MAF: variants seen among roughly 807,000 people sequenced by gnomAD.
MAF encodes the protein MAF bZIP transcription factor.
A neutral mutation model predicts 22.0 loss-of-function variants in MAF; 10 were observed. That is an observed-to-expected ratio of 0.45 (90% CI 0.28 to 0.77). MAF has a LOEUF of 0.77. Ranked by LOEUF, MAF falls within the 30% of genes least tolerant of loss-of-function variation. The pLI is 0.12. For missense variants in MAF, 544 were observed against 548.4 expected (o/e 0.99, Z 0.08); for synonymous variants, 337 against 255.8 (o/e 1.32, Z -3.03).
At chr16:79,556,565 T>C in the MAF span, among the ~76,000 whole-genome samples, 1 of 152,228 alleles carries the variant, frequency 6.6e-6, no homozygotes, top group African/African-American at 2.4e-5. Context: ...TTGTTGGTGG[T>C]ATTTTCTGAT....
chr16:79,317,950 TCA>T, the MAF span, among the ~76,000 whole-genome samples: 1 of 138,632 alleles, frequency 7.2e-6, no homozygotes, highest in Non-Finnish European at 1.6e-5. Context: ...ACTCACTCAC[TCA>T]CTCACTCTTA....
At chr16:79,336,204 T>C in the MAF span, among the ~76,000 whole-genome samples, 1 of 152,246 alleles carries the variant, frequency 6.6e-6, no homozygotes, top group Non-Finnish European at 1.5e-5. Context: ...TAGTAATGAA[T>C]AACACTTGCT....
At chr16:79,291,908 G>C in the MAF span, among the ~76,000 whole-genome samples, 1 of 150,936 alleles carries the variant, frequency 6.6e-6, no homozygotes, top group African/African-American at 2.4e-5. Flanking sequence ...TGTGATGTGT[G>C]GGTCACTGCA....
the MAF span, among the ~76,000 whole-genome samples, chr16:79,376,239 T>C: frequency 6.6e-6 from 1 of 152,278 alleles, no homozygotes; most frequent in Admixed American, 6.5e-5. Context: ...TTTTATTTAA[T>C]TTTATTCTAA....
At chr16:79,472,662 T>A in the MAF span, among the ~76,000 whole-genome samples, 1 of 152,116 alleles carries the variant, frequency 6.6e-6, no homozygotes. Context: ...GGAGTTTCCT[T>A]CTAGGGTGTA....
chr16:79,516,825 G>C, the MAF span, among the ~76,000 whole-genome samples: 1 of 121,078 alleles, frequency 8.3e-6, no homozygotes, highest in African/African-American at 3.0e-5. Flanking sequence ...GAAAGACAGA[G>C]CTAACGTCTC....
At chr16:79,235,841 G>C in the MAF span, among the ~76,000 whole-genome samples, 2 of 152,146 alleles carry the variant, frequency 1.3e-5, no homozygotes. Context: ...GGTTGTTATT[G>C]TCTTAACTAT....
At chr16:79,228,901 T>TCCCTCCAGCAACATCAGCCTGCA in the MAF span, among the ~76,000 whole-genome samples, 2 of 151,736 alleles carry the variant, frequency 1.3e-5, no homozygotes, top group Non-Finnish European at 2.9e-5. Context: ...CCCCAGTTCC[T>TCCCTCCAGCAACATCAGCCTGCA]CCCTCCAGCA....
chr16:79,498,517 G>T, the MAF span, among the ~76,000 whole-genome samples: 4 of 152,196 alleles, frequency 2.6e-5, no homozygotes, highest in Non-Finnish European at 5.9e-5. Flanking sequence ...GCTTCACTTT[G>T]CCTGCTCCTG....
the MAF span, among the ~76,000 whole-genome samples, chr16:79,481,770 C>G: frequency 6.6e-6 from 1 of 152,186 alleles, no homozygotes; most frequent in African/African-American, 2.4e-5. Flanking sequence ...ATGTTTTGAG[C>G]TCCTTCTGCA....
the MAF span, among the ~76,000 whole-genome samples, chr16:79,480,391 C>T: frequency 1.3e-5 from 2 of 151,872 alleles, no homozygotes; most frequent in African/African-American, 4.8e-5. Context: ...TAAAAAAAGC[C>T]AATTCCAAGC....
the MAF span, among the ~76,000 whole-genome samples, chr16:79,287,400 G>A: frequency 1.4e-4 from 22 of 152,182 alleles, no homozygotes; most frequent in African/African-American, 4.6e-4. Flanking sequence ...GGGGGCTGGC[G>A]GGGGAGGCAC....
the MAF span, among the ~76,000 whole-genome samples, chr16:79,343,192 A>C: frequency 1.3e-5 from 2 of 152,104 alleles, no homozygotes; most frequent in African/African-American, 4.8e-5. Context: ...GGTGCCACAA[A>C]TCTAAGACTA....
the MAF span, among the ~76,000 whole-genome samples, chr16:79,392,868 G>A: frequency 6.6e-6 from 1 of 152,180 alleles, no homozygotes; most frequent in Non-Finnish European, 1.5e-5. Flanking sequence ...GGAATCCACT[G>A]CTGTACGGCC....
At chr16:79,598,386 C>G (rs1194094427) in intron 1 of MAF, 4 of 1,172,448 alleles carry the variant, frequency 3.4e-6, no homozygotes, top group Non-Finnish European at 4.2e-6. Flanking sequence ...AGGTGATCAA[C>G]GTTTCACATG....
chr16:79,424,452 G>T, the MAF span, among the ~76,000 whole-genome samples: 1 of 152,104 alleles, frequency 6.6e-6, no homozygotes, highest in African/African-American at 2.4e-5. Context: ...GGGCACTTTT[G>T]CCTGTGTGAT....
the MAF span, among the ~76,000 whole-genome samples, chr16:79,459,698 G>A: frequency 2.0e-5 from 3 of 151,694 alleles, no homozygotes; most frequent in South Asian, 2.1e-4. Flanking sequence ...TCAGCCTCCC[G>A]ACTAGCTGGG....
the MAF span, among the ~76,000 whole-genome samples, chr16:79,511,295 C>T: frequency 3.9e-5 from 6 of 152,146 alleles, no homozygotes; most frequent in South Asian, 1.2e-3. Context: ...ACACGTCATT[C>T]TCATAGCCAA....
chr16:79,525,016 T>C, the MAF span, among the ~76,000 whole-genome samples: 11 of 152,154 alleles, frequency 7.2e-5, no homozygotes, highest in East Asian at 5.8e-4. Flanking sequence ...ATTTAAAAAA[T>C]TGGACCCATT....
Sources: allele counts gnomAD v4.1 joint callset (sites outside exome capture counted in the v4.1 genomes callset), GRCh38; gene constraint gnomAD v4.1.1; transcripts MANE v1.5; gene names NCBI Gene and HGNC (gene_info 2026-07-23, HGNC 2026-07-21).